The following PACRG variants were observed in gnomAD, a reference collection of about 807,000 sequenced individuals.
PACRG encodes the protein parkin coregulated.
A neutral mutation model predicts 29.7 loss-of-function variants in PACRG; 29 were observed. That is an observed-to-expected ratio of 0.98 (90% confidence interval 0.73 to 1.33). PACRG has a LOEUF of 1.33. Ranked by LOEUF, PACRG falls within the 40% of genes most tolerant of loss-of-function variation. The probability of loss-of-function intolerance (pLI) is 0.00; values close to 1 mark genes in which losing one functional copy is unlikely to be tolerated. For synonymous variants in PACRG, 116 were observed against 118.7 expected (o/e 0.98, Z 0.15); for missense variants, 279 against 316.2 (o/e 0.88, Z 0.89).
In PACRG at chr6:162,814,141, A is replaced by G. The variant is rs1787122225; in HGVS notation, c.157-6A>G. The G allele has an allele frequency of 6.9e-6, 11 of 1,587,394 alleles. No homozygotes were observed. The highest frequency in any genetic ancestry group is 9.4e-6 in the Non-Finnish European group (11 of 1,169,968). On this transcript the variant is annotated splice_region_variant and splice_polypyrimidine_tract_variant and intron_variant, in intron 1 of 4. Coordinates refer to ENST00000366888, the MANE Select transcript of PACRG (RefSeq NM_001080379.2). ...CCTGATCCCTATTTTTTTTTTTCCA[A>G]TTAAGGTGAGAGGCCCTCCAGCTGC...
At chr6:162,912,967 A>T (rs537831779) in intron 2 of PACRG, among the ~76,000 whole-genome samples, 1 of 152,216 alleles carries the variant, frequency 6.6e-6, no homozygotes, top group African/African-American at 2.4e-5. Context: ...ACCATTGGGG[A>T]TAAGCTCAAA....
At chr6:162,727,558 T>C (rs532978581), upstream of PACRG, 27 of 1,269,716 alleles carry the variant, frequency 2.1e-5, no homozygotes, top group South Asian at 2.2e-4. Flanking sequence ...GGCCCCGTCA[T>C]TGACAGTTGG....
intron 4 of PACRG, among the ~76,000 whole-genome samples, chr6:163,241,792 C>T (rs1782518363): frequency 2.0e-5 from 3 of 152,068 alleles, no homozygotes; most frequent in Non-Finnish European, 2.9e-5. Flanking sequence ...AGGGGAAAAC[C>T]AGGTGAATGA....
At chr6:163,041,332 G>A (rs1808691651) in intron 2 of PACRG, among the ~76,000 whole-genome samples, 1 of 151,360 alleles carries the variant, frequency 6.6e-6, no homozygotes, top group African/African-American at 2.4e-5. Context: ...GCAAGACTCT[G>A]TCTCAAAAAA....
intron 2 of PACRG, among the ~76,000 whole-genome samples, chr6:162,844,569 G>T (rs188997430): frequency 5.3e-5 from 8 of 152,238 alleles, no homozygotes; most frequent in African/African-American, 1.7e-4. Flanking sequence ...CGTCGCTCAC[G>T]CTGGGAGCTG....
intron 4 of PACRG, among the ~76,000 whole-genome samples, chr6:163,157,329 C>T (rs1196431429): frequency 1.3e-5 from 2 of 152,194 alleles, no homozygotes; most frequent in African/African-American, 4.8e-5. Context: ...CTCTCGTGAT[C>T]ATTCCCAAGT....
At chr6:163,036,857 TATCCATCC>T (rs71008132) in intron 2 of PACRG, among the ~76,000 whole-genome samples, 69,478 of 148,592 alleles carry the variant, frequency 0.47, 16,653 homozygotes, top group Middle Eastern at 0.58. Flanking sequence ...TCCATCCAGC[TATCCATCC>T]ATCCATCCAT....
intron 4 of PACRG, chr6:163,191,459 C>T (rs1187846548): frequency 2.8e-6 from 1 of 352,902 alleles, no homozygotes; most frequent in African/African-American, 2.1e-5. Flanking sequence ...TGGCCGCTTT[C>T]TGCACCACCC....
At chr6:162,917,523 C>T (rs929797253) in intron 2 of PACRG, among the ~76,000 whole-genome samples, 1 of 152,142 alleles carries the variant, frequency 6.6e-6, no homozygotes. Context: ...TCTCCATATC[C>T]ATTTTAGAGA....
At chr6:162,925,797 A>T (rs1797391225) in intron 2 of PACRG, among the ~76,000 whole-genome samples, 2 of 152,128 alleles carry the variant, frequency 1.3e-5, no homozygotes, top group Admixed American at 1.3e-4. Flanking sequence ...TAGTATTGGA[A>T]GTTCTGGCCA....
At chr6:162,950,380 C>T (rs112056794) in intron 2 of PACRG, among the ~76,000 whole-genome samples, 1,922 of 152,094 alleles carry the variant, frequency 0.013, 33 homozygotes, top group African/African-American at 0.036. Flanking sequence ...TGGTGGCGAG[C>T]GCCTGTATTC....
chr6:162,735,469 A>G (rs572147371), intron 1 of PACRG, among the ~76,000 whole-genome samples: 1 of 152,264 alleles, frequency 6.6e-6, no homozygotes, highest in East Asian at 1.9e-4. Context: ...TGTCATTTGA[A>G]TATTAATTTT....
chr6:163,179,266 C>T (rs1211232014), intron 4 of PACRG: 6 of 455,656 alleles, frequency 1.3e-5, no homozygotes, highest in African/African-American at 4.0e-5. Context: ...AGAAAGGAGG[C>T]GGCAGCTGGG....
At chr6:162,953,634 A>G (rs183696424) in intron 2 of PACRG, among the ~76,000 whole-genome samples, 12 of 152,284 alleles carry the variant, frequency 7.9e-5, no homozygotes, top group Admixed American at 3.9e-4. Context: ...GGAACTGTCT[A>G]GAACTGCCAT....
chr6:163,172,274 C>T (rs1029241451), intron 4 of PACRG, among the ~76,000 whole-genome samples: 26 of 152,178 alleles, frequency 1.7e-4, no homozygotes, highest in African/African-American at 5.8e-4. Flanking sequence ...ATTTCCACCC[C>T]CTCAACCTAA....
At chr6:162,955,785 C>T (rs1799976494) in intron 2 of PACRG, among the ~76,000 whole-genome samples, 1 of 152,202 alleles carries the variant, frequency 6.6e-6, no homozygotes, top group African/African-American at 2.4e-5. Context: ...TCCAAGGGCC[C>T]AGGTCTGGCA....
chr6:163,295,873 A>G (rs1585408219), intron 4 of PACRG, among the ~76,000 whole-genome samples: 1 of 151,900 alleles, frequency 6.6e-6, no homozygotes, highest in East Asian at 1.9e-4. Flanking sequence ...AGGAGCATAC[A>G]TAAAACTCCT....
chr6:163,232,848 C>G (rs1365006379), intron 4 of PACRG, among the ~76,000 whole-genome samples: 2 of 152,192 alleles, frequency 1.3e-5, no homozygotes, highest in African/African-American at 4.8e-5. Context: ...GGAGGAGGCC[C>G]TGGCCCTGCA....
At chr6:162,936,746 TAAATA>T (rs1301648119) in intron 2 of PACRG, among the ~76,000 whole-genome samples, 1 of 152,132 alleles carries the variant, frequency 6.6e-6, no homozygotes, top group Non-Finnish European at 1.5e-5. Context: ...ATCATGGTAT[TAAATA>T]AAAAGCAAAT....
Sources: gnomAD v4.1 joint callset for allele counts (sites outside exome capture counted in the v4.1 genomes callset) on GRCh38, gnomAD v4.1.1 for gene constraint, MANE v1.5 for transcripts, NCBI Gene and HGNC (gene_info 2026-07-23, HGNC 2026-07-21) for gene names.